The following SPNS2 variants were observed in gnomAD, a reference collection of about 807,000 sequenced individuals.
SPNS2 encodes SPNS lysolipid transporter 2, sphingosine-1-phosphate, also known as sphingosine-1-phosphate transporter SPNS2.
In SPNS2, 37 loss-of-function variants were observed where a neutral mutation model predicts 57.6. That is an observed-to-expected ratio of 0.64 (90% CI 0.49 to 0.85). SPNS2 has a LOEUF of 0.85. Among genes scored for constraint, SPNS2 ranks in the 40% least tolerant of loss-of-function variants. SPNS2 has a pLI of 0.00. For synonymous variants in SPNS2, 440 were observed against 346.9 expected, an observed-to-expected ratio of 1.27 and a Z score of -2.98; for missense variants, 831 against 779.1, an observed-to-expected ratio of 1.07 and a Z score of -0.79.
intron 3 of SPNS2, among the ~76,000 whole-genome samples, chr17:4,525,678 C>T (rs1045275249): frequency 2.0e-5 from 3 of 152,222 alleles, no homozygotes; most frequent in Non-Finnish European, 4.4e-5. Flanking sequence ...ATTTAGCTCC[C>T]ACAGGCCTGG....
chr17:4,531,466 G>A (rs1055020478), intron 5 of SPNS2, among the ~76,000 whole-genome samples: 1 of 152,166 alleles, frequency 6.6e-6, no homozygotes, highest in Non-Finnish European at 1.5e-5. Flanking sequence ...CAGCCCTGGC[G>A]CTGTGCTAGG....
intron 2 of SPNS2, among the ~76,000 whole-genome samples, chr17:4,519,766 A>C (rs1905093115): frequency 6.6e-6 from 1 of 152,258 alleles, no homozygotes; most frequent in Non-Finnish European, 1.5e-5. Context: ...TTGGAGGCCC[A>C]GCCCAGGCTG....
chr17:4,510,875 G>A lies in SPNS2; in HGVS notation c.371-2372G>A, dbSNP rs1038263190. ...ACCAGCAAACCACGCAGAAGGCAGC[G>A]TGGCAGGAGAACGAGCTTTGGTTTT... On this transcript the variant is annotated intron_variant, in intron 1 of 12. Coordinates refer to ENST00000329078, the MANE Select transcript of SPNS2 (RefSeq NM_001124758.3). The surrounding 1 kb of genome is among the most constrained non-coding windows in gnomAD (Gnocchi z 4.4). Among the ~76,000 whole-genome samples, 5 of 152,344 alleles carry A rather than the reference G, an allele frequency of 3.3e-5. No homozygotes were observed. Among genetic ancestry groups the A allele is most frequent in the South Asian group, 2.1e-4 (1 of 4,824 alleles).
intron 1 of SPNS2, among the ~76,000 whole-genome samples, chr17:4,501,421 T>C (rs1021498184): frequency 6.6e-6 from 1 of 152,078 alleles, no homozygotes; most frequent in Non-Finnish European, 1.5e-5. Flanking sequence ...GATAGGAAAT[T>C]TGTGGTGAAT....
intron 2 of SPNS2, among the ~76,000 whole-genome samples, chr17:4,524,194 C>G (rs1905209980): frequency 6.6e-6 from 1 of 151,834 alleles, no homozygotes; most frequent in Admixed American, 6.6e-5. Context: ...GCTTCTTTCA[C>G]AAGTAGAACA....
intron 3 of SPNS2, among the ~76,000 whole-genome samples, chr17:4,526,368 C>G (rs1905261966): frequency 6.6e-6 from 1 of 152,082 alleles, no homozygotes; most frequent in Non-Finnish European, 1.5e-5. Flanking sequence ...TTTGGAAGGC[C>G]AAGGCGGGTG....
chr17:4,536,472 G>A (rs1905816093), intron 11 of SPNS2, 46 bp downstream of exon 11: 1 of 1,569,170 alleles, frequency 6.4e-7, no homozygotes, highest in Non-Finnish European at 8.6e-7. Flanking sequence ...CGGGAAGCAG[G>A]GACCGTGATA....
In SPNS2 at chr17:4,512,647, T is replaced by C. The variant is rs12103497; in HGVS notation, c.371-600T>C. On this transcript the variant is annotated intron_variant, in intron 1 of 12. Coordinates refer to ENST00000329078, the MANE Select transcript of SPNS2 (RefSeq NM_001124758.3). This position sits in a 1 kb window ranked among gnomAD's most constrained non-coding sequence, Gnocchi z 5.2. The stretch of plus-strand genomic sequence containing the variant: ...TGGGGTGACAGTGTGTGTGTGTGCG[T>C]GCGCGCGCACGGGTATGTGTGTGCG... Among the ~76,000 whole-genome samples the C allele has an allele frequency of 0.063, 9,560 of 151,602 alleles. 327 individuals are homozygous for C. The highest frequency in any genetic ancestry group is 0.073 in the African/African-American group (3,007 of 41,356).
chr17:4,532,872 G>C (rs556163077), intron 6 of SPNS2, 105 bp from the exon 7 acceptor site: 35 of 1,501,386 alleles, frequency 2.3e-5, no homozygotes, highest in Non-Finnish European at 3.1e-5. Flanking sequence ...CCTGGAGCCT[G>C]TAAGACGAGG....
In SPNS2 at chr17:4,532,659, C is replaced by A. The variant is rs770169398; in HGVS notation, c.910C>A (p.Arg304=). 6.8e-6 allele frequency: 11 copies of A among 1,613,962 alleles called. No homozygotes were observed. The highest frequency in any genetic ancestry group is 1.3e-5 in the African/African-American group (1 of 75,038). ...GCTCAAGGCCCGGACCTCATGGCTC[C>A]GAGATATGAAGGCCCTGATTCGAAA... The part of the protein sequence containing the change: ...DQLKARTSWL[R]DMKALIRNRS... The change falls in exon 6 of 13, where the codon CGA becomes AGA. Residue 304 remains arginine, a synonymous_variant. Transcript: ENST00000329078.
intron 8 of SPNS2, 134 bp from the exon 9 acceptor site, chr17:4,533,654 A>C (rs1905611209): frequency 2.7e-6 from 3 of 1,110,362 alleles, no homozygotes; most frequent in Non-Finnish European, 4.0e-6. Flanking sequence ...TGGATAGCCC[A>C]TGAATGGATG....
chr17:4,535,905 A>G (rs1315984079), intron 9 of SPNS2, among the ~76,000 whole-genome samples, 171 bp from the exon 10 acceptor site: 1 of 143,360 alleles, frequency 7.0e-6, no homozygotes, highest in East Asian at 2.3e-4. Flanking sequence ...TGGGGTGGGC[A>G]GTAGAGGGGA....
At chr17:4,500,593 CAGAG>C (rs557796473) in intron 1 of SPNS2, among the ~76,000 whole-genome samples, 1 of 151,194 alleles carries the variant, frequency 6.6e-6, no homozygotes, top group South Asian at 2.1e-4. Context: ...ACACACACAA[CAGAG>C]AGAGAGAGGA....
At chr17:4,509,814 C>T (rs1173109709) in intron 1 of SPNS2, among the ~76,000 whole-genome samples, 1 of 152,216 alleles carries the variant, frequency 6.6e-6, no homozygotes, top group East Asian at 1.9e-4. Context: ...TTGGGGTATG[C>T]CTGGAGAGGC....
chr17:4,501,651 T>A (rs550180229), intron 1 of SPNS2, among the ~76,000 whole-genome samples: 1 of 152,252 alleles, frequency 6.6e-6, no homozygotes, highest in South Asian at 2.1e-4. Flanking sequence ...GATTTCCCCA[T>A]CTCCACTTCC....
rs933246854 is a variant in SPNS2 at position 4,509,025 on chromosome 17, C to T, written c.371-4222C>T. ...CAGGGAGTCCAGGGAGGAGGCTGGA[C>T]GATAAAGCAGATGGAGAATCACCGG... On this transcript the variant is annotated intron_variant, in intron 1 of 12. Coordinates refer to ENST00000329078, the MANE Select transcript of SPNS2 (RefSeq NM_001124758.3). Among the ~76,000 whole-genome samples the T allele has an allele frequency of 3.9e-5, 6 of 152,214 alleles. No individual in the cohort carries two copies. The East Asian group carries it at 5.8e-4, about 15-fold the overall frequency.
intron 2 of SPNS2, among the ~76,000 whole-genome samples, chr17:4,519,383 G>C (rs1438639912): frequency 6.6e-6 from 1 of 152,196 alleles, no homozygotes; most frequent in Non-Finnish European, 1.5e-5. Context: ...AGGACACCGA[G>C]GGCCCGTGGG....
intron 2 of SPNS2, among the ~76,000 whole-genome samples, chr17:4,522,059 C>T (rs1181798086): frequency 3.3e-5 from 5 of 152,276 alleles, no homozygotes; most frequent in South Asian, 4.1e-4. Context: ...ATTAGCCGGG[C>T]GTGGTGGCAG....
At position 4,537,464 on chromosome 17, in the gene SPNS2, A is replaced by T. The variant is rs1327666346; in HGVS notation, c.*16A>T. Reference sequence around the variant, plus strand: ...ACCCCTTTCCCCAGGTGCCATTGGGACAATGAAGAACCCACACTCCCACCT... The same window carrying T: ...ACCCCTTTCCCCAGGTGCCATTGGGTCAATGAAGAACCCACACTCCCACCT... On this transcript the variant is annotated 3_prime_UTR_variant, in exon 13 of 13. Transcript: ENST00000329078. 1 of 454,006 alleles carries T rather than the reference A, an allele frequency of 2.2e-6. No individual in the cohort carries two copies. Among genetic ancestry groups the T allele is most frequent in the African/African-American group, 2.0e-5 (1 of 50,062 alleles). 28.1% of individuals were successfully genotyped at this position (454,006 alleles called of 1,614,324 possible). A position where few individuals can be genotyped will look rare whatever the true frequency, so the allele number is the denominator to read the frequency against.
Sources: allele counts gnomAD v4.1 joint callset (sites outside exome capture counted in the v4.1 genomes callset), GRCh38; gene constraint gnomAD v4.1.1; non-coding constraint Gnocchi (gnomAD v3.1); transcripts MANE v1.5; gene names NCBI Gene and HGNC (gene_info 2026-07-23, HGNC 2026-07-21).